The following LMO7 variants were observed in gnomAD, a reference collection of about 807,000 sequenced individuals.
LMO7 encodes the protein LIM domain only protein 7.
LMO7 carries 120 observed loss-of-function variants against 206.5 expected under a neutral mutation model. The observed-to-expected ratio is 0.58, with a 90% CI of 0.50 to 0.68. The LOEUF is 0.68. Among genes scored for constraint, LMO7 ranks in the 30% least tolerant of loss-of-function variants. The probability of loss-of-function intolerance (pLI) is 0.00; values close to 1 mark genes in which losing one functional copy is unlikely to be tolerated. For synonymous variants in LMO7, 706 were observed against 681.5 expected, an observed-to-expected ratio of 1.04 and a Z score of -0.56; for missense variants, 1,959 against 1,957.9, an observed-to-expected ratio of 1.00 and a Z score of -0.01.
chr13:75,709,012 T>C (rs1484719232), intron 1 of LMO7, among the ~76,000 whole-genome samples: 4 of 152,092 alleles, frequency 2.6e-5, no homozygotes, highest in Non-Finnish European at 5.9e-5. Context: ...GTGTTCTCAT[T>C]GTTCAGTTCC....
intron 2 of LMO7, among the ~76,000 whole-genome samples, chr13:75,717,202 A>C (rs2043615373): frequency 6.6e-6 from 1 of 151,924 alleles, no homozygotes; most frequent in African/African-American, 2.4e-5. Context: ...TCTCTATTAA[A>C]AATACAAAAA....
intron 2 of LMO7, among the ~76,000 whole-genome samples, chr13:75,714,047 A>T (rs575128263): frequency 1.3e-5 from 2 of 152,268 alleles, no homozygotes; most frequent in Admixed American, 6.5e-5. Flanking sequence ...CAATCTAGAC[A>T]CTTATCGCAC....
chr13:75,850,113 CTG>C (rs774388747), intron 27 of LMO7, among the ~76,000 whole-genome samples: 1 of 151,824 alleles, frequency 6.6e-6, no homozygotes, highest in Non-Finnish European at 1.5e-5. Context: ...GCAAGAGACT[CTG>C]TATAAAAAAA....
At chr13:75,761,489 G>A (rs980543610) in intron 4 of LMO7, among the ~76,000 whole-genome samples, 1 of 152,088 alleles carries the variant, frequency 6.6e-6, no homozygotes, top group Non-Finnish European at 1.5e-5. Flanking sequence ...TATTGTGAAG[G>A]CAGCAGCGCC....
At chr13:75,722,714 C>G (rs992875545) in intron 2 of LMO7, among the ~76,000 whole-genome samples, 4 of 152,134 alleles carry the variant, frequency 2.6e-5, no homozygotes, top group Non-Finnish European at 5.9e-5. Flanking sequence ...TACTTGCACA[C>G]CCATGTTTAT....
chr13:75,850,548 A>G (rs1224687099), intron 27 of LMO7, among the ~76,000 whole-genome samples: 2 of 152,222 alleles, frequency 1.3e-5, no homozygotes, highest in Non-Finnish European at 2.9e-5. Context: ...TACTGATCAG[A>G]CAGAACACTA....
At chr13:75,640,562 T>A (rs1167693580) in intron 1 of LMO7, among the ~76,000 whole-genome samples, 1 of 152,188 alleles carries the variant, frequency 6.6e-6, no homozygotes, top group Non-Finnish European at 1.5e-5. Context: ...TTCTCTCCTG[T>A]CTTACATAAA....
intron 7 of LMO7, among the ~76,000 whole-genome samples, chr13:75,801,696 A>G (rs1046246580): frequency 2.7e-4 from 41 of 152,076 alleles, no homozygotes; most frequent in Admixed American, 6.6e-5. Flanking sequence ...TTTTTTTGAA[A>G]TATTTCTGTG....
At position 75,788,451 on chromosome 13, in the gene LMO7, T is replaced by TTA. The variant is rs2052762022; in HGVS notation, c.318-6950_318-6949insTA. 9.5e-5 allele frequency among the ~76,000 whole-genome samples: 5 copies of TTA among 52,518 alleles called. No individual in the cohort carries two copies. In the Admixed American group the frequency reaches 1.3e-3, roughly 14 times the overall value. The allele number at this position is 52,518 out of a possible 152,430, so 34.5% of individuals were successfully genotyped here. On this transcript the variant is annotated intron_variant, in intron 4 of 30. Coordinates refer to ENST00000377534, the MANE Select transcript of LMO7 (RefSeq NM_001306080.2). ...TGGGCAAAAAGAGCAAAACTCTGCC[T>TTA]CAAAAAAAAAAAAAAAAAAAAAGCC...
At chr13:75,717,784 G>T (rs571244997) in intron 2 of LMO7, among the ~76,000 whole-genome samples, 1 of 152,292 alleles carries the variant, frequency 6.6e-6, no homozygotes, top group South Asian at 2.1e-4. Context: ...TCCATGCAGT[G>T]CTCCATGGGA....
chr13:75,847,047 A>G (rs1381249408), intron 26 of LMO7, among the ~76,000 whole-genome samples: 1 of 146,708 alleles, frequency 6.8e-6, no homozygotes, highest in African/African-American at 2.5e-5. Context: ...AAAAAAAAAA[A>G]GGCAACATTT....
chr13:75,801,953 C>G (rs2054795088), intron 7 of LMO7, among the ~76,000 whole-genome samples: 1 of 116,568 alleles, frequency 8.6e-6, no homozygotes, highest in East Asian at 6.0e-4. Flanking sequence ...ATACTCATCT[C>G]TCTCTCCTCT....
At chr13:75,653,496 G>C (rs1322527323) in intron 1 of LMO7, among the ~76,000 whole-genome samples, 4 of 152,226 alleles carry the variant, frequency 2.6e-5, no homozygotes, top group African/African-American at 9.6e-5. Flanking sequence ...CCAAGACAGT[G>C]CCTGGAGCCT....
chr13:75,721,985 G>A (rs2044062497), intron 2 of LMO7, among the ~76,000 whole-genome samples: 1 of 152,148 alleles, frequency 6.6e-6, no homozygotes, highest in South Asian at 2.1e-4. Context: ...AAATGGTGTT[G>A]GGATAATTGG....
At chr13:75,642,478 C>CTGCATTCTT (rs1333024573) in intron 1 of LMO7, among the ~76,000 whole-genome samples, 1 of 150,190 alleles carries the variant, frequency 6.7e-6, no homozygotes, top group African/African-American at 2.4e-5. Context: ...TGGCACACAC[C>CTGCATTCTT]TGCATTCTTG....
chr13:75,810,724 A>G (rs572657156), intron 11 of LMO7, among the ~76,000 whole-genome samples: 21 of 152,356 alleles, frequency 1.4e-4, no homozygotes, highest in African/African-American at 4.8e-4. Context: ...CTTTTCTTAA[A>G]GGAAATAAAA....
chr13:75,745,325 G>A (rs1479236528), intron 3 of LMO7, among the ~76,000 whole-genome samples: 3 of 152,140 alleles, frequency 2.0e-5, no homozygotes, highest in Admixed American at 1.3e-4. Flanking sequence ...TTAGGTCATT[G>A]GTTGCCTGTG....
At chr13:75,727,652 T>C (rs896723155) in intron 3 of LMO7, among the ~76,000 whole-genome samples, 1 of 152,098 alleles carries the variant, frequency 6.6e-6, no homozygotes, top group Admixed American at 6.6e-5. Context: ...TACTTTAAGT[T>C]TTAGGGTACA....
upstream of LMO7, among the ~76,000 whole-genome samples, chr13:75,633,917 G>A (rs79283157): frequency 1.2e-4 from 16 of 135,126 alleles, no homozygotes; most frequent in East Asian, 3.5e-3. Context: ...GTGTGATCCT[G>A]GCTTACTGCA....
Sources: gnomAD v4.1 joint callset for allele counts (sites outside exome capture counted in the v4.1 genomes callset) on GRCh38, gnomAD v4.1.1 for gene constraint, MANE v1.5 for transcripts, NCBI Gene and HGNC (gene_info 2026-07-23, HGNC 2026-07-21) for gene names.